The following RNF180 variants were observed in gnomAD, a reference collection of about 807,000 sequenced individuals.
RNF180 encodes the protein ring finger protein 180, also known as E3 ubiquitin-protein ligase RNF180.
In RNF180, 38 loss-of-function variants were observed where a neutral mutation model predicts 59.2. The observed-to-expected ratio is 0.64, with a 90% CI of 0.50 to 0.84. RNF180 has a LOEUF of 0.84. Among genes scored for constraint, RNF180 ranks in the 40% least tolerant of loss-of-function variants. The pLI is 0.00. For missense variants in RNF180, 705 were observed against 700.9 expected, an observed-to-expected ratio of 1.01 and a Z score of -0.07; for synonymous variants, 262 against 240.3, an observed-to-expected ratio of 1.09 and a Z score of -0.84.
chr5:64,247,081 C>G (rs1259375624), intron 5 of RNF180, among the ~76,000 whole-genome samples: 1 of 152,122 alleles, frequency 6.6e-6, no homozygotes, highest in Non-Finnish European at 1.5e-5. Context: ...GCTAAAAACT[C>G]TCAATAAACT....
At chr5:64,259,982 A>G (rs1190858625) in intron 5 of RNF180, among the ~76,000 whole-genome samples, 5 of 152,112 alleles carry the variant, frequency 3.3e-5, no homozygotes, top group Non-Finnish European at 5.9e-5. Context: ...AAAATCTTTG[A>G]CTATCCTAAT....
At chr5:64,347,872 A>G (rs1380346383) in intron 7 of RNF180, among the ~76,000 whole-genome samples, 2 of 152,146 alleles carry the variant, frequency 1.3e-5, no homozygotes, top group African/African-American at 4.8e-5. Context: ...CTATGCTGGC[A>G]ATGAAGTGGT....
At chr5:64,238,462 G>T (rs896637383) in intron 5 of RNF180, among the ~76,000 whole-genome samples, 14 of 152,094 alleles carry the variant, frequency 9.2e-5, no homozygotes, top group South Asian at 8.3e-4. Context: ...TCAACAGTAT[G>T]CAGGGGTTCC....
intron 5 of RNF180, among the ~76,000 whole-genome samples, chr5:64,260,362 T>C (rs1744260362): frequency 6.6e-6 from 1 of 152,320 alleles, no homozygotes; most frequent in East Asian, 1.9e-4. Flanking sequence ...TTCCAGTTTT[T>C]TATTGTAACT....
intron 1 of RNF180, among the ~76,000 whole-genome samples, chr5:64,182,026 C>T (rs1003928491): frequency 3.9e-5 from 5 of 128,336 alleles, no homozygotes; most frequent in Admixed American, 2.7e-4. Context: ...GAGTCTCGCT[C>T]TGTCTTCCAG....
chr5:64,207,341 T>C (rs1240336400), intron 2 of RNF180, among the ~76,000 whole-genome samples: 2 of 151,958 alleles, frequency 1.3e-5, no homozygotes, highest in Non-Finnish European at 2.9e-5. Flanking sequence ...TGTAGAGATA[T>C]GATGGATAAG....
At chr5:64,253,050 T>G (rs1287250166) in intron 5 of RNF180, among the ~76,000 whole-genome samples, 1 of 152,088 alleles carries the variant, frequency 6.6e-6, no homozygotes, top group African/African-American at 2.4e-5. Flanking sequence ...TATTTACCAC[T>G]AAAAAACTGA....
chr5:64,291,808 A>G (rs1473266440), intron 5 of RNF180, among the ~76,000 whole-genome samples: 7 of 152,002 alleles, frequency 4.6e-5, no homozygotes, highest in African/African-American at 1.7e-4. Flanking sequence ...GTCTTTTTAC[A>G]TAGTTTCATG....
chr5:64,292,702 C>T (rs1370245833), intron 5 of RNF180, among the ~76,000 whole-genome samples: 2 of 152,228 alleles, frequency 1.3e-5, no homozygotes, highest in South Asian at 2.1e-4. Flanking sequence ...ACCACCTAGA[C>T]TCTGCAGAGC....
chr5:64,272,338 C>T (rs1018371405), intron 5 of RNF180, among the ~76,000 whole-genome samples: 5 of 151,786 alleles, frequency 3.3e-5, no homozygotes, highest in African/African-American at 4.8e-5. Context: ...GTATGAGGGC[C>T]AAACATTACA....
chr5:64,217,751 A>G lies in RNF180; in HGVS notation c.1227+355A>G, dbSNP rs533554318. On this transcript the variant is annotated intron_variant, in intron 5 of 7. Coordinates refer to ENST00000389100, the MANE Select transcript of RNF180 (RefSeq NM_001113561.2). ...GATTGCTTGAGTTCAGGAGTTCAAG[A>G]CCAGCCTGGGCAACATAGCAAAACC... 7 of 165,206 alleles carry G rather than the reference A, an allele frequency of 4.2e-5. No individual in the cohort carries two copies. In the East Asian group the frequency reaches 1.1e-3, roughly 27 times the overall value. 10.2% of individuals were successfully genotyped at this position (165,206 alleles called of 1,614,324 possible).
intron 5 of RNF180, among the ~76,000 whole-genome samples, chr5:64,274,829 C>T (rs958932544): frequency 1.1e-4 from 17 of 151,944 alleles, no homozygotes; most frequent in African/African-American, 3.9e-4. Flanking sequence ...ATCTCTCTAC[C>T]ATAAACATCA....
At chr5:64,315,820 A>G (rs1314162817) in intron 5 of RNF180, among the ~76,000 whole-genome samples, 1 of 151,816 alleles carries the variant, frequency 6.6e-6, no homozygotes, top group Non-Finnish European at 1.5e-5. Context: ...GGTACTTCCC[A>G]TTTCTGTCAC....
rs191448882 is a variant in RNF180 at position 64,228,569 on chromosome 5, G to A, written c.1227+11173G>A. Among the ~76,000 whole-genome samples the A allele has an allele frequency of 9.9e-4, 151 of 152,216 alleles. 2 individuals are homozygous for A. The East Asian group carries it at 0.017, about 17-fold the overall frequency. On this transcript the variant is annotated intron_variant, in intron 5 of 7. Transcript: ENST00000389100. ...CGTTGTTATCTATGAAGGGGAAGGA[G>A]AATGTAATCTGGAATGCTATTAATT...
intron 5 of RNF180, among the ~76,000 whole-genome samples, chr5:64,304,584 G>C (rs1051827163): frequency 6.6e-6 from 1 of 151,634 alleles, no homozygotes; most frequent in African/African-American, 2.4e-5. Context: ...TAGAAGAGGA[G>C]CCTGAAGATA....
chr5:64,265,632 T>G (rs914241015), intron 5 of RNF180, among the ~76,000 whole-genome samples: 1 of 152,180 alleles, frequency 6.6e-6, no homozygotes, highest in Non-Finnish European at 1.5e-5. Flanking sequence ...TTCTGTAGCC[T>G]TGTAGTATAG....
chr5:64,368,293 G>T (rs939856903), intron 7 of RNF180, among the ~76,000 whole-genome samples: 1 of 151,740 alleles, frequency 6.6e-6, no homozygotes, highest in Admixed American at 6.6e-5. Context: ...CAAAGTATAA[G>T]ATACAAGGTT....
rs112387961 is a variant in RNF180 at position 64,333,958 on chromosome 5, T to G, written c.1579+3552T>G. 2.6e-5 allele frequency among the ~76,000 whole-genome samples: 4 copies of G among 152,290 alleles called. 1 individual carries two copies. The highest frequency in any genetic ancestry group is 9.6e-5 in the African/African-American group (4 of 41,568). On this transcript the variant is annotated intron_variant, in intron 7 of 7. Transcript: ENST00000389100. ...ATGAAGGAGTTAAGCCTTTAATCAT[T>G]TACTGCAATAGTATAACCAAGAGTC...
chr5:64,237,870 C>T (rs1040150248), intron 5 of RNF180, among the ~76,000 whole-genome samples: 1 of 152,122 alleles, frequency 6.6e-6, no homozygotes, highest in African/African-American at 2.4e-5. Flanking sequence ...CTTTCACTCT[C>T]CTGCTGCCAT....
Sources: allele counts gnomAD v4.1 joint callset (sites outside exome capture counted in the v4.1 genomes callset), GRCh38; gene constraint gnomAD v4.1.1; transcripts MANE v1.5; gene names NCBI Gene and HGNC (gene_info 2026-07-23, HGNC 2026-07-21).